Variants in OPHN1 observed in about 807,000 individuals in gnomAD.
OPHN1 encodes the protein oligophrenin 1.
In OPHN1, 11 loss-of-function variants were observed where a neutral mutation model predicts 60.7. The observed-to-expected ratio is 0.18, with a 90% CI of 0.11 to 0.30. The LOEUF is 0.30. OPHN1 is among the 10% of genes least tolerant of loss of function. The pLI is 1.00. For synonymous variants in OPHN1, 226 were observed against 222.6 expected, an observed-to-expected ratio of 1.02 and a Z score of -0.14; for missense variants, 449 against 611.0, an observed-to-expected ratio of 0.73 and a Z score of 2.80.
intron 2 of OPHN1, among the ~76,000 whole-genome samples, chrX:68,420,994 C>T (rs1355276598): frequency 9.0e-6 from 1 of 111,137 alleles, no homozygotes; most frequent in East Asian, 2.8e-4. Context: ...AAGGAACACC[C>T]CTCATAGGCT....
intron 6 of OPHN1, among the ~76,000 whole-genome samples, chrX:68,223,455 T>A (rs2077673629): frequency 8.9e-6 from 1 of 111,922 alleles, no homozygotes; most frequent in African/African-American, 3.2e-5. Context: ...CTAACTCAAA[T>A]CAAATACCTC....
At chrX:68,389,522 G>A (rs1017235880) in intron 2 of OPHN1, among the ~76,000 whole-genome samples, 2 of 107,169 alleles carry the variant, frequency 1.9e-5, no homozygotes, top group Non-Finnish European at 3.8e-5. Flanking sequence ...AGCCAAGTTT[G>A]TGCCACTGCA....
rs1188011531 is a variant in OPHN1 at position 68,425,812 on chromosome X, CTTTTTTTTTTTTTTT to C, written c.154+7040_154+7054del. Among the ~76,000 whole-genome samples the C allele has an allele frequency of 1.8e-4, 7 of 38,657 alleles. No homozygotes were observed. The East Asian group carries it at 4.6e-3, about 25-fold the overall frequency. 33.6% of individuals were successfully genotyped at this position (38,657 alleles called of 115,157 possible). A position where few individuals can be genotyped will look rare whatever the true frequency, so the allele number is the denominator to read the frequency against. On this transcript the variant is annotated intron_variant, in intron 2 of 24. Coordinates refer to ENST00000355520, the MANE Select transcript of OPHN1 (RefSeq NM_002547.3). The stretch of plus-strand genomic sequence containing the variant: ...TGAGCCAATGCACCTGGACTGGATT[CTTTTTTTTTTTTTTT>C]TTTTTTTTTTTTAGAGAGGGAGACA...
intron 2 of OPHN1, among the ~76,000 whole-genome samples, chrX:68,388,459 CAAA>C (rs779652561): frequency 4.9e-5 from 3 of 60,827 alleles, no homozygotes; most frequent in Non-Finnish European, 3.2e-5. Context: ...GACTCTGTCT[CAAA>C]AAAAAAAAAA....
chrX:68,149,737 G>A (rs1350701340), intron 15 of OPHN1, among the ~76,000 whole-genome samples: 1 of 110,326 alleles, frequency 9.1e-6, no homozygotes, highest in Non-Finnish European at 1.9e-5. Flanking sequence ...ACAGTTTCAT[G>A]GTTCCTCGAA....
intron 5 of OPHN1, among the ~76,000 whole-genome samples, chrX:68,257,031 CA>C (rs897679099): frequency 7.6e-5 from 7 of 92,315 alleles, no homozygotes; most frequent in Admixed American, 7.5e-4. Context: ...GACTCCATCT[CA>C]AAAAAAATTA....
At chrX:68,192,638 G>A (rs777488980) in intron 15 of OPHN1, 52 of 340,288 alleles carry the variant, frequency 1.5e-4, no homozygotes, top group African/African-American at 8.9e-4. Context: ...AGAAGATACC[G>A]ACTAAGCCTG....
intron 5 of OPHN1, among the ~76,000 whole-genome samples, chrX:68,239,262 G>GTCTGCCGGTGTCCTCCTGGTA (rs2077768608): frequency 9.0e-6 from 1 of 110,595 alleles, no homozygotes; most frequent in African/African-American, 3.3e-5. Context: ...TCCTCCTGGT[G>GTCTGCCGGTGTCCTCCTGGTA]TCTGCCGGTG....
At chrX:68,301,275 A>G (rs901795874) in intron 2 of OPHN1, among the ~76,000 whole-genome samples, 4 of 109,312 alleles carry the variant, frequency 3.7e-5, no homozygotes, top group Admixed American at 3.0e-4. Flanking sequence ...GTGAAATCCC[A>G]TCTTTACTAA....
intron 2 of OPHN1, among the ~76,000 whole-genome samples, chrX:68,414,823 T>C (rs1382252269): frequency 1.8e-5 from 2 of 111,939 alleles, no homozygotes; most frequent in Non-Finnish European, 3.8e-5. Context: ...TGAGCTCAAT[T>C]TCCTAGACAG....
intron 6 of OPHN1, among the ~76,000 whole-genome samples, chrX:68,223,491 A>C (rs1250455073): frequency 4.5e-5 from 5 of 111,756 alleles, no homozygotes; most frequent in Non-Finnish European, 7.5e-5. Context: ...AGTGGGAGCT[A>C]AGCTCTGAGT....
intron 2 of OPHN1, among the ~76,000 whole-genome samples, chrX:68,347,392 C>T (rs78219438): frequency 0.23 from 25,135 of 110,608 alleles, 2,793 homozygotes; most frequent in African/African-American, 0.43. Flanking sequence ...TCTCAGATCA[C>T]TGCAGTATCA....
chrX:68,294,473 C>CAAAAAAAA (rs570989143), intron 3 of OPHN1, among the ~76,000 whole-genome samples: 3 of 10,657 alleles, frequency 2.8e-4, no homozygotes, highest in Non-Finnish European at 6.6e-4. Context: ...GACTCTATCA[C>CAAAAAAAA]AAAAAAAAAA....
chrX:68,290,287 C>T lies in OPHN1; in HGVS notation c.251-7170G>A, dbSNP rs112087310. On this transcript the variant is annotated intron_variant, in intron 3 of 24. Coordinates refer to ENST00000355520, the MANE Select transcript of OPHN1 (RefSeq NM_002547.3). ...CCAGTCTGGGCAACATGATGAAATT[C>T]AACTCTACGAAAAAAGCTACAAAAA... 7.4e-3 allele frequency among the ~76,000 whole-genome samples: 826 copies of T among 110,903 alleles called. 9 individuals carry two copies. Among genetic ancestry groups the T allele is most frequent in the African/African-American group, 0.026 (780 of 30,478 alleles).
intron 18 of OPHN1, among the ~76,000 whole-genome samples, chrX:68,099,600 A>G (rs1279633856): frequency 8.9e-6 from 1 of 111,931 alleles, no homozygotes; most frequent in Non-Finnish European, 1.9e-5. Flanking sequence ...TAACTCTAAT[A>G]TAATATTTGT....
intron 6 of OPHN1, among the ~76,000 whole-genome samples, chrX:68,216,542 C>T (rs1230290325): frequency 9.0e-6 from 1 of 110,634 alleles, no homozygotes; most frequent in Non-Finnish European, 1.9e-5. Flanking sequence ...AACTTCTAGA[C>T]TAAAACACAG....
At chrX:68,421,581 G>C (rs1413731136) in intron 2 of OPHN1, among the ~76,000 whole-genome samples, 1 of 111,365 alleles carries the variant, frequency 9.0e-6, no homozygotes, top group Non-Finnish European at 1.9e-5. Context: ...TTCAAGATTA[G>C]TCTCCAGCTG....
intron 10 of OPHN1, among the ~76,000 whole-genome samples, chrX:68,204,471 C>T (rs1433099215): frequency 9.0e-6 from 1 of 111,544 alleles, no homozygotes; most frequent in East Asian, 2.8e-4. Flanking sequence ...GCTCAGTGTC[C>T]GGCACACAGC....
At chrX:68,269,673 C>G (rs2077955509) in intron 5 of OPHN1, among the ~76,000 whole-genome samples, 1 of 111,728 alleles carries the variant, frequency 9.0e-6, no homozygotes, top group Non-Finnish European at 1.9e-5. Context: ...AGGACATAGG[C>G]ATGGGCAAGG....
Sources: gnomAD v4.1 joint callset for allele counts (sites outside exome capture counted in the v4.1 genomes callset) on GRCh38, gnomAD v4.1.1 for gene constraint, MANE v1.5 for transcripts, NCBI Gene and HGNC (gene_info 2026-07-23, HGNC 2026-07-21) for gene names.